The following KIAA1217 variants were observed in gnomAD, a reference collection of about 807,000 sequenced individuals.
KIAA1217 encodes sickle tail protein homolog.
KIAA1217 carries 88 observed loss-of-function variants against 163.9 expected under a neutral mutation model. The ratio of observed to expected loss-of-function variants is 0.54; its 90% CI spans 0.45 to 0.64. KIAA1217 has a LOEUF of 0.64. Ranked by LOEUF, KIAA1217 falls within the 30% of genes least tolerant of loss-of-function variation. The probability of loss-of-function intolerance (pLI) is 0.00; values close to 1 mark genes in which losing one functional copy is unlikely to be tolerated. For missense variants in KIAA1217, 2,372 were observed against 2,475.0 expected, an observed-to-expected ratio of 0.96 and a Z score of 0.88; for synonymous variants, 903 against 923.1, an observed-to-expected ratio of 0.98 and a Z score of 0.39.
intron 2 of KIAA1217, among the ~76,000 whole-genome samples, chr10:24,373,810 G>A (rs183104074): frequency 3.9e-5 from 6 of 152,346 alleles, no homozygotes; most frequent in African/African-American, 1.4e-4. Context: ...TCCACACAGA[G>A]GATGCCTCAG....
intron 5 of KIAA1217, among the ~76,000 whole-genome samples, chr10:24,459,306 G>C (rs540527086): frequency 5.9e-5 from 9 of 152,264 alleles, no homozygotes; most frequent in Non-Finnish European, 1.3e-4. Flanking sequence ...CTTCAGAAAA[G>C]TGTTCCTCAG....
chr10:24,445,855 C>A (rs2132153011), intron 5 of KIAA1217, among the ~76,000 whole-genome samples: 1 of 152,198 alleles, frequency 6.6e-6, no homozygotes, highest in Non-Finnish European at 1.5e-5. Flanking sequence ...GTGCATGTGT[C>A]TTTATAGCAG....
rs11013844 is a variant in KIAA1217 at position 24,003,644 on chromosome 10, T to G, written c.-320-3581T>G. Reference sequence around the variant, plus strand: ...CCAGGGCACCAGTGGAAGAAAGTCTTTTGCAAAAAGGGGTGGGTTTCACAA... The same window carrying G: ...CCAGGGCACCAGTGGAAGAAAGTCTGTTGCAAAAAGGGGTGGGTTTCACAA... On this transcript the variant is annotated intron_variant, in intron 1 of 18. Transcript: ENST00000376462. Among the ~76,000 whole-genome samples the G allele has an allele frequency of 8.1e-3, 1,239 of 152,188 alleles. 14 individuals carry two copies. Among genetic ancestry groups the G allele is most frequent in the African/African-American group, 0.028 (1,170 of 41,538 alleles).
chr10:24,079,869 G>C (rs940703317), intron 2 of KIAA1217, among the ~76,000 whole-genome samples: 4 of 152,192 alleles, frequency 2.6e-5, no homozygotes, highest in African/African-American at 7.2e-5. Flanking sequence ...AACTGGATCT[G>C]AGAGGCACTG....
chr10:24,009,156 A>G (rs545236718), intron 2 of KIAA1217, among the ~76,000 whole-genome samples: 4 of 152,222 alleles, frequency 2.6e-5, no homozygotes, highest in Non-Finnish European at 4.4e-5. Context: ...AGAATAAAAT[A>G]AAGCTGGAAA....
chr10:24,083,556 A>G (rs902895526), intron 2 of KIAA1217, among the ~76,000 whole-genome samples: 2 of 152,212 alleles, frequency 1.3e-5, no homozygotes, highest in African/African-American at 4.8e-5. Context: ...ATATGCTGGC[A>G]AAGAATTAAT....
At chr10:24,003,235 G>GT (rs1345016656) in intron 1 of KIAA1217, among the ~76,000 whole-genome samples, 1 of 152,040 alleles carries the variant, frequency 6.6e-6, no homozygotes, top group Non-Finnish European at 1.5e-5. Flanking sequence ...CCTACACACC[G>GT]TTTTCCATAG....
intron 1 of KIAA1217, among the ~76,000 whole-genome samples, chr10:24,212,056 A>G (rs1564837018): frequency 6.6e-6 from 1 of 151,740 alleles, no homozygotes; most frequent in Non-Finnish European, 1.5e-5. Context: ...GAGAGAGAGA[A>G]AGACAGAGAG....
At chr10:24,261,667 G>C (rs1168241643) in intron 2 of KIAA1217, among the ~76,000 whole-genome samples, 1 of 152,128 alleles carries the variant, frequency 6.6e-6, no homozygotes, top group Admixed American at 6.5e-5. Flanking sequence ...CCTCCATGGG[G>C]GCATGTGGGT....
chr10:24,397,536 A>C (rs1193496927), intron 3 of KIAA1217, among the ~76,000 whole-genome samples: 2 of 152,208 alleles, frequency 1.3e-5, no homozygotes, highest in Non-Finnish European at 2.9e-5. Flanking sequence ...TGTAGAACCT[A>C]CATACTTAAC....
chr10:24,011,896 T>TC (rs148807103), intron 2 of KIAA1217, among the ~76,000 whole-genome samples: 1,572 of 152,238 alleles, frequency 0.01, 32 homozygotes, highest in African/African-American at 0.036. Context: ...AACCAGCATT[T>TC]CCCCCATAAC....
At chr10:24,091,256 C>G (rs772515156) in intron 2 of KIAA1217, among the ~76,000 whole-genome samples, 4 of 151,904 alleles carry the variant, frequency 2.6e-5, no homozygotes, top group Admixed American at 1.3e-4. Flanking sequence ...AGGTATTTCC[C>G]TGAAGGTCTT....
chr10:24,525,026 G>GGCCTGTAGGAAGGTGAGA (rs2071893229), intron 13 of KIAA1217, among the ~76,000 whole-genome samples: 6 of 100,330 alleles, frequency 6.0e-5, no homozygotes, highest in Non-Finnish European at 1.0e-4. Context: ...AGGTGAGACA[G>GGCCTGTAGGAAGGTGAGA]CAGTGTGCTG....
At chr10:24,006,386 A>C (rs1335321866) in intron 1 of KIAA1217, among the ~76,000 whole-genome samples, 1 of 152,174 alleles carries the variant, frequency 6.6e-6, no homozygotes, top group East Asian at 1.9e-4. Flanking sequence ...TCAGGATCCT[A>C]AGAGGAGTTT....
intron 3 of KIAA1217, among the ~76,000 whole-genome samples, chr10:24,400,447 A>G (rs2056392131): frequency 6.6e-6 from 1 of 152,208 alleles, no homozygotes; most frequent in Admixed American, 6.5e-5. Flanking sequence ...ATGCTGATGG[A>G]AGCCCCATCT....
chr10:24,326,048 G>A (rs2044836789), intron 2 of KIAA1217, among the ~76,000 whole-genome samples: 1 of 152,144 alleles, frequency 6.6e-6, no homozygotes, highest in Non-Finnish European at 1.5e-5. Flanking sequence ...TGGTTGGAGT[G>A]ATGTTTCCAT....
chr10:24,462,200 T>C (rs979900520), intron 5 of KIAA1217, among the ~76,000 whole-genome samples: 1 of 151,556 alleles, frequency 6.6e-6, no homozygotes, highest in African/African-American at 2.4e-5. Flanking sequence ...ATATAACTAA[T>C]ATATAACTAA....
At chr10:23,908,574 T>C (rs974346812) in intron 1 of KIAA1217, among the ~76,000 whole-genome samples, 6 of 152,100 alleles carry the variant, frequency 3.9e-5, no homozygotes, top group African/African-American at 7.2e-5. Context: ...TGGCTTCTTT[T>C]CTAATAGTTC....
chr10:24,222,720 G>C (rs1441776434), intron 2 of KIAA1217, among the ~76,000 whole-genome samples: 2 of 152,108 alleles, frequency 1.3e-5, no homozygotes, highest in Admixed American at 1.3e-4. Flanking sequence ...ATGTTGGCCA[G>C]GCTGGTCTCG....
Sources: gnomAD v4.1 joint callset for allele counts (sites outside exome capture counted in the v4.1 genomes callset) on GRCh38, gnomAD v4.1.1 for gene constraint, MANE v1.5 for transcripts, NCBI Gene and HGNC (gene_info 2026-07-23, HGNC 2026-07-21) for gene names.